Variants in ZC3H12C observed in about 807,000 individuals in gnomAD.
ZC3H12C encodes probable ribonuclease ZC3H12C.
Under a neutral mutation model 76.3 loss-of-function variants are expected in ZC3H12C, and 20 were observed. The observed-to-expected ratio is 0.26, with a 90% CI of 0.18 to 0.38. The LOEUF (loss-of-function observed/expected upper bound fraction) is 0.38, where lower values mean the gene tolerates loss of function less well. Among genes scored for constraint, ZC3H12C ranks in the 10% least tolerant of loss-of-function variants. ZC3H12C has a pLI of 1.00. For missense variants in ZC3H12C, 874 were observed against 1,086.5 expected (o/e 0.80, Z 2.75); for synonymous variants, 352 against 399.6 (o/e 0.88, Z 1.42).
chr11:110,113,559 CCTTA>C (rs1294925780), intron 1 of ZC3H12C, among the ~76,000 whole-genome samples: 1 of 152,064 alleles, frequency 6.6e-6, no homozygotes, highest in African/African-American at 2.4e-5. Flanking sequence ...TATTGAAAAG[CCTTA>C]CTTTGAAAAG....
In ZC3H12C at chr11:110,169,589, CAG is replaced by C. The variant is rs1862640576; in HGVS notation, c.*3854_*3855del. 6.6e-6 allele frequency: 1 copy of C among 152,114 alleles called. No individual in the cohort carries two copies. The highest frequency in any genetic ancestry group is 2.4e-5 in the African/African-American group (1 of 41,428). The allele number at this position is 152,114 out of a possible 1,614,324, so 9.4% of individuals were successfully genotyped here. A position where few individuals can be genotyped will look rare whatever the true frequency, so the allele number is the denominator to read the frequency against. On this transcript the variant is annotated 3_prime_UTR_variant, in exon 6 of 6. Transcript: ENST00000278590. Reference sequence around the variant, plus strand: ...AATTCCCACGTGACCTGAAATCAAACAGATTCTGGCTGGACATATGCTTATGT... The same window carrying C: ...AATTCCCACGTGACCTGAAATCAAACATTCTGGCTGGACATATGCTTATGT...
At chr11:110,108,267 T>C (rs1861367352) in intron 1 of ZC3H12C, among the ~76,000 whole-genome samples, 1 of 152,222 alleles carries the variant, frequency 6.6e-6, no homozygotes, top group Non-Finnish European at 1.5e-5. Flanking sequence ...TAATGGAGTC[T>C]TAAGATCATG....
chr11:110,142,304 CTTAT>C (rs1404784892), intron 2 of ZC3H12C, among the ~76,000 whole-genome samples: 25 of 152,078 alleles, frequency 1.6e-4, no homozygotes, highest in African/African-American at 5.1e-4. Context: ...CTCAAGTGTG[CTTAT>C]TTAAACTCTA....
chr11:110,162,075 G>T (rs146514536), intron 4 of ZC3H12C, among the ~76,000 whole-genome samples: 1 of 152,318 alleles, frequency 6.6e-6, no homozygotes, highest in Non-Finnish European at 1.5e-5. Flanking sequence ...GGCGGAGGTT[G>T]CAGTGAGCTG....
At chr11:110,156,956 G>A (rs1055171796) in intron 3 of ZC3H12C, among the ~76,000 whole-genome samples, 7 of 152,200 alleles carry the variant, frequency 4.6e-5, no homozygotes, top group East Asian at 1.9e-4. Context: ...CCAGGCGGGC[G>A]GATCACGAGG....
In ZC3H12C at chr11:110,147,102, TATC is replaced by T. The variant is rs1862185081; in HGVS notation, c.774-5814_774-5812del. ...CAGGGCACTCCCTTACAAGAGGGGTTATCATTTGCCTCCACCGTGCCTGTTCCA... is the reference window on the plus strand; with the variant it reads ...CAGGGCACTCCCTTACAAGAGGGGTTATTTGCCTCCACCGTGCCTGTTCCA... On this transcript the variant is annotated intron_variant, in intron 2 of 5. Coordinates refer to ENST00000278590, the MANE Select transcript of ZC3H12C (RefSeq NM_033390.2). 2.0e-5 allele frequency among the ~76,000 whole-genome samples: 3 copies of T among 152,168 alleles called. 1 individual carries two copies. The South Asian group carries it at 6.2e-4, about 31-fold the overall frequency.
intron 1 of ZC3H12C, among the ~76,000 whole-genome samples, chr11:110,134,794 A>G (rs956820492): frequency 1.8e-4 from 28 of 152,194 alleles, no homozygotes; most frequent in African/African-American, 5.1e-4. Context: ...AAAGTTGTCT[A>G]TCTTCTCAGG....
intron 2 of ZC3H12C, among the ~76,000 whole-genome samples, chr11:110,141,953 A>G (rs1862074619): frequency 6.6e-6 from 1 of 152,192 alleles, no homozygotes; most frequent in Admixed American, 6.5e-5. Context: ...TTTCTATTGA[A>G]TAGCCTCTCA....
intron 1 of ZC3H12C, 104 bp downstream of exon 1, chr11:110,093,536 G>T: frequency 1.7e-5 from 15 of 862,870 alleles, no homozygotes; most frequent in Non-Finnish European, 2.2e-5. Flanking sequence ...GCGCCAGGCG[G>T]AGGGCGCCGG....
intron 2 of ZC3H12C, among the ~76,000 whole-genome samples, chr11:110,148,801 A>G (rs1282592915): frequency 2.0e-5 from 3 of 152,378 alleles, no homozygotes; most frequent in Non-Finnish European, 4.4e-5. Context: ...CTCTATTTAT[A>G]AGCAATTAAA....
At chr11:110,128,717 C>G (rs1234520422) in intron 1 of ZC3H12C, among the ~76,000 whole-genome samples, 1 of 152,058 alleles carries the variant, frequency 6.6e-6, no homozygotes. Context: ...TCAGTTGTAA[C>G]TACTTTGTGT....
At chr11:110,108,924 C>A (rs550768993) in intron 1 of ZC3H12C, among the ~76,000 whole-genome samples, 107 of 152,300 alleles carry the variant, frequency 7.0e-4, no homozygotes, top group African/African-American at 2.4e-3. Context: ...GAGCTGTTAA[C>A]CAATACATGC....
At position 110,136,664 on chromosome 11, in the gene ZC3H12C, A is replaced by T; in HGVS notation, c.23A>T (p.Glu8Val). The T allele has an allele frequency of 6.2e-7, 1 of 1,610,440 alleles. No individual in the cohort carries two copies. The highest frequency in any genetic ancestry group is 1.1e-5 in the South Asian group (1 of 90,208). ...TAAATATTTTACATTTTTCTCTAGG[A>T]ATACGGGGTGCTTTGCATTCAGGAA... MPGGGSQ[E>V]YGVLCIQEYR... The change falls in exon 2 of 6, where the codon GAA (glutamate) becomes GTA (valine). Residue 8 changes from glutamate to valine, a missense_variant and splice_region_variant. By Grantham distance (121) the Glu-to-Val change is moderately radical. Transcript: ENST00000278590.
intron 1 of ZC3H12C, among the ~76,000 whole-genome samples, chr11:110,133,302 T>C (rs1224466567): frequency 6.6e-6 from 1 of 152,210 alleles, no homozygotes; most frequent in Admixed American, 6.5e-5. Context: ...GGCATAGAAA[T>C]TGAACTCATT....
In ZC3H12C at chr11:110,153,995, C is replaced by G. The variant is rs1405280929; in HGVS notation, c.913+937C>G. Among the ~76,000 whole-genome samples the G allele has an allele frequency of 2.0e-5, 3 of 152,074 alleles. No individual in the cohort carries two copies. In the East Asian group the frequency reaches 5.8e-4, roughly 29 times the overall value. On this transcript the variant is annotated intron_variant, in intron 3 of 5. Coordinates refer to ENST00000278590, the MANE Select transcript of ZC3H12C (RefSeq NM_033390.2). ...TCCAGTATTGACAAAAACTGAGGCA[C>G]CCGTGTAAAGACAACTGTAAAACAT...
At chr11:110,123,562 G>A (rs1370390868) in intron 1 of ZC3H12C, among the ~76,000 whole-genome samples, 2 of 152,056 alleles carry the variant, frequency 1.3e-5, no homozygotes, top group African/African-American at 2.4e-5. Context: ...GACATAGGAC[G>A]GAAAGATTTT....
Position 110,159,482 on chromosome 11 carries a change from C to T in ZC3H12C, c.1140C>T (p.Val380=), listed in dbSNP as rs117504164. 14,023 of 1,603,762 alleles carry T rather than the reference C, an allele frequency of 8.7e-3. 76 individuals carry two copies. The highest frequency in any genetic ancestry group is 9.9e-3 in the Non-Finnish European group (11,664 of 1,174,162). Residue 380 remains valine, a synonymous_variant, in exon 4 of 6, where the codon GTC becomes GTT. Transcript: ENST00000278590. The part of the protein sequence containing the change: ...IDERLLMYSF[V]NDKFMPPDDP... ...AACGATTATTAATGTATTCATTTGT[C>T]AATGACAAGTAAGTAAAACCATTTA...
chr11:110,152,068 T>C (rs1862281439), intron 2 of ZC3H12C, among the ~76,000 whole-genome samples: 1 of 152,212 alleles, frequency 6.6e-6, no homozygotes, highest in African/African-American at 2.4e-5. Flanking sequence ...CCTCACATTA[T>C]AAAAGAACAT....
At chr11:110,149,808 TCTC>T (rs1436944619) in intron 2 of ZC3H12C, among the ~76,000 whole-genome samples, 1 of 152,124 alleles carries the variant, frequency 6.6e-6, no homozygotes, top group African/African-American at 2.4e-5. Context: ...ATGTTGCAAA[TCTC>T]CTCTCCAAAG....
Sources: gnomAD v4.1 joint callset for allele counts (sites outside exome capture counted in the v4.1 genomes callset) on GRCh38, gnomAD v4.1.1 for gene constraint, MANE v1.5 for transcripts, NCBI Gene and HGNC (gene_info 2026-07-23, HGNC 2026-07-21) for gene names.